Variants in DMRTA1 observed in about 807,000 individuals in gnomAD.
DMRTA1 encodes DMRT like family A1, also known as doublesex- and mab-3-related transcription factor A1.
Under a neutral mutation model 35.2 loss-of-function variants are expected in DMRTA1, and 34 were observed. The ratio of observed to expected loss-of-function variants is 0.97; its 90% CI spans 0.74 to 1.29. The LOEUF is 1.29. Among genes scored for constraint, DMRTA1 ranks in the 50% most tolerant of loss-of-function variants. The pLI, the probability that DMRTA1 is intolerant of heterozygous loss-of-function variation, is 0.00. For synonymous variants in DMRTA1, 344 were observed against 276.6 expected, an observed-to-expected ratio of 1.24 and a Z score of -2.42; for missense variants, 824 against 644.6, an observed-to-expected ratio of 1.28 and a Z score of -3.01.
At position 22,454,657 on chromosome 9, in the gene DMRTA1, G is replaced by T. The variant is rs554118187; in HGVS notation, c.*2746G>T. The stretch of plus-strand genomic sequence containing the variant: ...ACTCCTAAGCCACTAATTAGTGGTG[G>T]GAAGAAAGAGGGGGTAAATGCTTTA... On this transcript the variant is annotated 3_prime_UTR_variant, in exon 2 of 2. Coordinates refer to ENST00000325870, the MANE Select transcript of DMRTA1 (RefSeq NM_022160.3). 2.4e-4 allele frequency: 37 copies of T among 152,254 alleles called. No homozygotes were observed. Among genetic ancestry groups the T allele is most frequent in the Admixed American group, 2.1e-3 (32 of 15,282 alleles). 9.4% of individuals were successfully genotyped at this position (152,254 alleles called of 1,614,324 possible). A position where few individuals can be genotyped will look rare whatever the true frequency, so the allele number is the denominator to read the frequency against.
intron 1 of DMRTA1, among the ~76,000 whole-genome samples, chr9:22,450,229 T>C (rs1455745042): frequency 6.6e-6 from 1 of 152,130 alleles, no homozygotes; most frequent in Non-Finnish European, 1.5e-5. Context: ...TTAAAGCAAA[T>C]GCCTAATATG....
chr9:22,450,835 C>T (rs1818912684), intron 1 of DMRTA1, among the ~76,000 whole-genome samples: 1 of 152,068 alleles, frequency 6.6e-6, no homozygotes, highest in Admixed American at 6.6e-5. Context: ...TATTGCATAC[C>T]TTTGTGATTC....
In DMRTA1 at chr9:22,455,695, G is replaced by T. The variant is rs1291764585; in HGVS notation, c.*3784G>T. 6.6e-6 allele frequency: 1 copy of T among 152,186 alleles called. No homozygotes were observed. The highest frequency in any genetic ancestry group is 1.9e-4 in the East Asian group (1 of 5,170). The allele number at this position is 152,186 out of a possible 1,614,324, so 9.4% of individuals were successfully genotyped here. ...TAACATATTCTCGTATATGTTATTTGGATTATTTTCAGGGCTTTCTGAAGA... is the reference window on the plus strand; with the variant it reads ...TAACATATTCTCGTATATGTTATTTTGATTATTTTCAGGGCTTTCTGAAGA... On this transcript the variant is annotated 3_prime_UTR_variant, in exon 2 of 2. Transcript: ENST00000325870.
chr9:22,451,365 C>G lies in DMRTA1; in HGVS notation c.969C>G (p.Ser323=). 5 of 1,614,130 alleles carry G rather than the reference C, an allele frequency of 3.1e-6. No individual in the cohort carries two copies. Among genetic ancestry groups the G allele is most frequent in the Non-Finnish European group, 4.2e-6 (5 of 1,179,988 alleles). Residue 323 remains serine (S), a synonymous_variant, in exon 2 of 2, where the codon TCC becomes TCG. Transcript: ENST00000325870. The part of the protein sequence containing the change: ...TATKASLPTV[S]SRPRDPLDIL... ...CCAAGGCAAGCCTTCCGACAGTGTC[C>G]TCAAGACCAAGAGATCCTCTTGATA...
Position 22,447,494 on chromosome 9 carries a change from C to T in DMRTA1, c.429C>T (p.Arg143=). 6.4e-7 allele frequency: 1 copy of T among 1,562,458 alleles called. No homozygotes were observed. The highest frequency in any genetic ancestry group is 8.7e-7 in the Non-Finnish European group (1 of 1,155,302). Residue 143 remains arginine, a synonymous_variant, in exon 1 of 2, where the codon CGC becomes CGT. Coordinates refer to ENST00000325870, the MANE Select transcript of DMRTA1 (RefSeq NM_022160.3). ...QRVMAAQVAL[R]RQQAQEESEA... is the part of the protein sequence containing the mutation. ...TCATGGCCGCCCAGGTGGCGCTGCG[C>T]AGGCAGCAGGCGCAGGAGGAGAGCG...
rs201252188 is a variant in DMRTA1, at chr9:22,447,111, C to G, written c.46C>G (p.Arg16Gly). ...CGSRDRGVSG[R>G]PHLAPGLVVA... Reference sequence around the variant, plus strand: ...CAGCAGAGACCGAGGCGTTAGCGGCCGACCTCACTTGGCCCCTGGGCTAGT... The same window carrying G: ...CAGCAGAGACCGAGGCGTTAGCGGCGGACCTCACTTGGCCCCTGGGCTAGT... Residue 16 changes from arginine to glycine, a missense_variant, in exon 1 of 2, where the codon CGA (arginine) becomes GGA (glycine). Arg to Gly is a moderately radical substitution (Grantham distance 125, BLOSUM62 -2). Coordinates refer to ENST00000325870, the MANE Select transcript of DMRTA1 (RefSeq NM_022160.3). The G allele has an allele frequency of 4.3e-6, 7 of 1,609,304 alleles. No homozygotes were observed. In the South Asian group the frequency reaches 7.7e-5, roughly 18 times the overall value.
rs1470984334 is a variant in DMRTA1, at chr9:22,453,714, T to G, written c.*1803T>G. 6.6e-6 allele frequency: 1 copy of G among 152,086 alleles called. No individual in the cohort carries two copies. Among genetic ancestry groups the G allele is most frequent in the Non-Finnish European group, 1.5e-5 (1 of 67,952 alleles). 9.4% of individuals were successfully genotyped at this position (152,086 alleles called of 1,614,324 possible). ...ACAAAATGGCGTACAGACACACAGTTTTGCATACAATTTCACTGGGTTCTT... is the reference window on the plus strand; with the variant it reads ...ACAAAATGGCGTACAGACACACAGTGTTGCATACAATTTCACTGGGTTCTT... On this transcript the variant is annotated 3_prime_UTR_variant, in exon 2 of 2. Transcript: ENST00000325870.
chr9:22,451,755 A>G lies in DMRTA1; in HGVS notation c.1359A>G (p.Ser453=), dbSNP rs745714335. Residue 453 remains serine, a synonymous_variant, in exon 2 of 2, where the codon TCA becomes TCG. Transcript: ENST00000325870. ...GAAGAGGGTTATCTGGTTTTATGTC[A>G]CCCTACCTAACACCTGGGTTAGTAC... is the stretch of plus-strand genomic sequence containing the variant. ...SAGRGLSGFM[S]PYLTPGLVPT... is the part of the protein sequence containing the mutation. 1 of 1,613,968 alleles carries G rather than the reference A, an allele frequency of 6.2e-7. No individual in the cohort carries two copies. The highest frequency in any genetic ancestry group is 8.5e-7 in the Non-Finnish European group (1 of 1,179,916).
chr9:22,451,925 T>G lies in DMRTA1; in HGVS notation c.*14T>G. ...GACAATCCGTAATGTATATGCCCAT[T>G]CTCTCTTTCTGGAGTTTTTCCAGCA... On this transcript the variant is annotated 3_prime_UTR_variant, in exon 2 of 2. Transcript: ENST00000325870. 1 of 1,611,686 alleles carries G rather than the reference T, an allele frequency of 6.2e-7. No homozygotes were observed. Among genetic ancestry groups the G allele is most frequent in the South Asian group, 1.1e-5 (1 of 91,020 alleles).
intron 1 of DMRTA1, 90 bp from the exon 2 acceptor site, chr9:22,450,974 T>C (rs1202289810): frequency 7.7e-7 from 1 of 1,305,234 alleles, no homozygotes; most frequent in Non-Finnish European, 1.0e-6. Context: ...AGTGAATTAA[T>C]TATATTATCC....
chr9:22,447,609 C>G lies in DMRTA1; in HGVS notation c.544C>G (p.Pro182Ala). The change falls in exon 1 of 2, where the codon CCA becomes GCA. Residue 182 changes from proline (P) to alanine (A), a missense_variant. Pro to Ala is a conservative substitution (Grantham distance 27). Transcript: ENST00000325870. ...CGGGGGCGGCGGCAGAGCCGAGAATCCACAGTCCACGGGCGGCCCTGCGGC... is the reference window on the plus strand; with the variant it reads ...CGGGGGCGGCGGCAGAGCCGAGAATGCACAGTCCACGGGCGGCCCTGCGGC... ...ASGGGGRAEN[P>A]QSTGGPAAGA... 1 of 1,608,038 alleles carries G rather than the reference C, an allele frequency of 6.2e-7. No individual in the cohort carries two copies. The highest frequency in any genetic ancestry group is 8.5e-7 in the Non-Finnish European group (1 of 1,178,228).
At position 22,451,854 on chromosome 9, in the gene DMRTA1, T is replaced by G; in HGVS notation, c.1458T>G (p.Ser486Arg). 6.2e-7 allele frequency: 1 copy of G among 1,614,048 alleles called. No individual in the cohort carries two copies. Among genetic ancestry groups the G allele is most frequent in the Non-Finnish European group, 8.5e-7 (1 of 1,179,926 alleles). ...GMIRDSSYLSSKDSITCGRLY... is the reference protein window; with the variant it reads ...GMIRDSSYLSRKDSITCGRLY... ...TTAGAGATTCTTCCTACCTTTCCAGTAAAGACTCAATAACTTGTGGCAGAC... is the reference window on the plus strand; with the variant it reads ...TTAGAGATTCTTCCTACCTTTCCAGGAAAGACTCAATAACTTGTGGCAGAC... Residue 486 changes from serine to arginine, a missense_variant, in exon 2 of 2, where the codon AGT becomes AGG. Physicochemically the swap from Ser to Arg is moderately radical, Grantham distance 110. Transcript: ENST00000325870.
At position 22,451,400 on chromosome 9, in the gene DMRTA1, A is replaced by C. The variant is rs996752450; in HGVS notation, c.1004A>C (p.Lys335Thr). The change falls in exon 2 of 2, where the codon AAG becomes ACG. Residue 335 changes from lysine to threonine, a missense_variant. Physicochemically the swap from Lys to Thr is moderately conservative, Grantham distance 78 (BLOSUM62 -1). Transcript: ENST00000325870. ...AGAGATCCTCTTGATATCCTTACTA[A>C]GATTTTCCCAAATTACAGGCGCAGC... ...RPRDPLDILT[K>T]IFPNYRRSRL... The C allele has an allele frequency of 2.4e-5, 39 of 1,614,144 alleles. No individual in the cohort carries two copies. Among genetic ancestry groups the C allele is most frequent in the Non-Finnish European group, 3.3e-5 (39 of 1,179,990 alleles).
Position 22,450,861 on chromosome 9 carries a change from G to A in DMRTA1, c.668-203G>A, listed in dbSNP as rs577820573. On this transcript the variant is annotated intron_variant, in intron 1 of 1. Transcript: ENST00000325870. ...TTTGTGATTCTGAGATGATATAATAGTATACTTTTCACTATTCCAGCACCT... is the reference window on the plus strand; with the variant it reads ...TTTGTGATTCTGAGATGATATAATAATATACTTTTCACTATTCCAGCACCT... Among the ~76,000 whole-genome samples, 39 of 152,202 alleles carry A rather than the reference G, an allele frequency of 2.6e-4. No individual in the cohort carries two copies. The South Asian group carries it at 7.5e-3, about 29-fold the overall frequency.
intron 1 of DMRTA1, among the ~76,000 whole-genome samples, chr9:22,448,276 T>C (rs1312116741): frequency 6.6e-6 from 1 of 152,220 alleles, no homozygotes; most frequent in African/African-American, 2.4e-5. Flanking sequence ...TGGGAAACTC[T>C]GATAGTTGGG....
chr9:22,448,873 AG>A (rs1818881414), intron 1 of DMRTA1, among the ~76,000 whole-genome samples: 1 of 152,202 alleles, frequency 6.6e-6, no homozygotes, highest in African/African-American at 2.4e-5. Context: ...AATTTATTTG[AG>A]TAGGCAAAAC....
Position 22,446,914 on chromosome 9 carries a change from C to T in DMRTA1, c.-152C>T, listed in dbSNP as rs185574983. 1.0e-4 allele frequency: 99 copies of T among 975,350 alleles called. 1 individual carries two copies. In the East Asian group the frequency reaches 1.7e-3, roughly 17 times the overall value. 60.4% of individuals were successfully genotyped at this position (975,350 alleles called of 1,614,324 possible). On this transcript the variant is annotated 5_prime_UTR_variant, in exon 1 of 2. Coordinates refer to ENST00000325870, the MANE Select transcript of DMRTA1 (RefSeq NM_022160.3). The stretch of plus-strand genomic sequence containing the variant: ...AGGACGCGGTCGTCCCAACTCCTTC[C>T]GAGTGGAAAGAGTGTAAAACTTTTG...
At position 22,451,354 on chromosome 9, in the gene DMRTA1, C is replaced by T. The variant is rs949805564; in HGVS notation, c.958C>T (p.Pro320Ser). 1 of 1,614,112 alleles carries T rather than the reference C, an allele frequency of 6.2e-7. No homozygotes were observed. The change falls in exon 2 of 2, where the codon CCG becomes TCG. Residue 320 changes from proline to serine, a missense_variant. Transcript: ENST00000325870. ...CTTGACTGCGACCAAGGCAAGCCTT[C>T]CGACAGTGTCCTCAAGACCAAGAGA... Reference protein sequence around the residue: ...KDLTATKASLPTVSSRPRDPL... With the variant: ...KDLTATKASLSTVSSRPRDPL...
rs1481792279 is a variant in DMRTA1 at position 22,454,236 on chromosome 9, T to C, written c.*2325T>C. ...TGAGTCATCTGCAGTGGAATTACTGTGCTCACTTCAGCAATTTCAGACTCC... is the reference window on the plus strand; with the variant it reads ...TGAGTCATCTGCAGTGGAATTACTGCGCTCACTTCAGCAATTTCAGACTCC... On this transcript the variant is annotated 3_prime_UTR_variant, in exon 2 of 2. Coordinates refer to ENST00000325870, the MANE Select transcript of DMRTA1 (RefSeq NM_022160.3). 1 of 152,082 alleles carries C rather than the reference T, an allele frequency of 6.6e-6. No individual in the cohort carries two copies. Among genetic ancestry groups the C allele is most frequent in the African/African-American group, 2.4e-5 (1 of 41,440 alleles). The allele number at this position is 152,082 out of a possible 1,614,324, so 9.4% of individuals were successfully genotyped here. A position where few individuals can be genotyped will look rare whatever the true frequency, so the allele number is the denominator to read the frequency against.
Sources: allele counts gnomAD v4.1 joint callset (sites outside exome capture counted in the v4.1 genomes callset), GRCh38; gene constraint gnomAD v4.1.1; transcripts MANE v1.5; gene names NCBI Gene and HGNC (gene_info 2026-07-23, HGNC 2026-07-21).